The following RPL6 variants were observed in gnomAD, a reference collection of about 807,000 sequenced individuals.
RPL6 encodes large ribosomal subunit protein eL6.
In RPL6, 1 loss-of-function variant was observed where a neutral mutation model predicts 32.1. The observed-to-expected ratio is 0.03, with a 90% CI of 0.01 to 0.15. The LOEUF (loss-of-function observed/expected upper bound fraction) is 0.15, where lower values mean the gene tolerates loss of function less well. Among genes scored for constraint, RPL6 ranks in the 10% least tolerant of loss-of-function variants. The probability of loss-of-function intolerance (pLI) is 1.00; values close to 1 mark genes in which losing one functional copy is unlikely to be tolerated. For synonymous variants in RPL6, 126 were observed against 131.6 expected (o/e 0.96, Z 0.29); for missense variants, 275 against 354.6 (o/e 0.78, Z 1.80).
chr12:112,413,644 T>G (rs2037365192), upstream of RPL6, among the ~76,000 whole-genome samples: 1 of 152,106 alleles, frequency 6.6e-6, no homozygotes. Context: ...CAGTCTGGTC[T>G]CAAACTCCTG....
intron 1 of RPL6, among the ~76,000 whole-genome samples, chr12:112,415,872 CCTT>C (rs2037400671): frequency 6.8e-6 from 1 of 146,310 alleles, no homozygotes; most frequent in African/African-American, 2.5e-5. Flanking sequence ...GGGGGATAAA[CCTT>C]TTTTTTTTTT....
chr12:112,408,146 G>A (rs1223111705), intron 3 of RPL6, 94 bp downstream of exon 3: 3 of 888,896 alleles, frequency 3.4e-6, no homozygotes, highest in Non-Finnish European at 5.3e-6. Flanking sequence ...AAATTCTCCG[G>A]TATGCAGAAA....
chr12:112,410,178 G>T (rs776383237), upstream of RPL6: 1 of 167,660 alleles, frequency 6.0e-6, no homozygotes, highest in East Asian at 1.6e-4. Context: ...AATTAGCCGA[G>T]TGTGGTTGTT....
chr12:112,408,881 T>G, intron 1 of RPL6: 2 of 507,042 alleles, frequency 3.9e-6, no homozygotes, highest in Non-Finnish European at 6.9e-6. Flanking sequence ...TTTTGAGAAT[T>G]TGAAACTACC....
At chr12:112,406,944 A>AATCAGATTCT in intron 3 of RPL6, 54 bp from the exon 4 acceptor site, 1 of 1,595,268 alleles carries the variant, frequency 6.3e-7, no homozygotes, top group Non-Finnish European at 8.6e-7. Context: ...AGATTACTAG[A>AATCAGATTCT]AGCAAGCTAT....
At position 112,405,876 on chromosome 12, in the gene RPL6, C is replaced by T; in HGVS notation, c.691G>A (p.Glu231Lys). 1.2e-6 allele frequency: 2 copies of T among 1,613,176 alleles called. No homozygotes were observed. The highest frequency in any genetic ancestry group is 1.7e-6 in the Non-Finnish European group (2 of 1,179,570). Reference protein sequence around the residue: ...KLRKPRHQEGEIFDTEKEKYE... With the variant: ...KLRKPRHQEGKIFDTEKEKYE... ...ACCTCTTTTTCTGTGTCGAAGATCTCACCTTCCTGGTGTCTGGGCTTCCGC... is the reference window on the plus strand; with the variant it reads ...ACCTCTTTTTCTGTGTCGAAGATCTTACCTTCCTGGTGTCTGGGCTTCCGC... The change falls in exon 6 of 7, where the codon GAG (glutamate) becomes AAG (lysine). Residue 231 changes from glutamate (E) to lysine (K), a missense_variant. Coordinates refer to ENST00000202773, the MANE Select transcript of RPL6 (RefSeq NM_000970.6).
chr12:112,406,235 A>C, intron 5 of RPL6, 59 bp downstream of exon 5: 1 of 1,463,078 alleles, frequency 6.8e-7, no homozygotes, highest in Non-Finnish European at 9.6e-7. Context: ...AAACGTGTAT[A>C]CTGCAAGCAT....
At position 112,406,873 on chromosome 12, in the gene RPL6, A is replaced by T; in HGVS notation, c.354T>A (p.Thr118=). Residue 118 remains threonine, a synonymous_variant, in exon 4 of 7, where the codon ACT becomes ACA. Transcript: ENST00000202773. ...TCAACAGCTTTCGAGGCACATCTTC[A>T]GTAGGATAATATCTAGGCTGTGGAG... ...KLRKMPRYYP[T]EDVPRKLLSH... The T allele has an allele frequency of 6.2e-7, 1 of 1,614,256 alleles. No individual in the cohort carries two copies.
chr12:112,408,931 G>C, intron 1 of RPL6: 1 of 423,108 alleles, frequency 2.4e-6, no homozygotes, highest in Non-Finnish European at 4.2e-6. Context: ...TGAGCGGTCA[G>C]AAGTCCGTAC....
At position 112,406,274 on chromosome 12, in the gene RPL6, C is replaced by G; in HGVS notation, c.529+20G>C. 6.2e-7 allele frequency: 1 copy of G among 1,607,190 alleles called. No individual in the cohort carries two copies. The highest frequency in any genetic ancestry group is 8.5e-7 in the Non-Finnish European group (1 of 1,174,106). On this transcript the variant is annotated intron_variant, in intron 5 of 6. Transcript: ENST00000202773. ...AAAATGGAAGTTTCACAGAACATCA[C>G]AATCCAAGGATTTTCTTACCAGTCA...
intron 1 of RPL6, among the ~76,000 whole-genome samples, chr12:112,416,800 G>T (rs1277281205): frequency 6.6e-6 from 1 of 152,224 alleles, no homozygotes; most frequent in Non-Finnish European, 1.5e-5. Flanking sequence ...CCTGAGATCA[G>T]TTAAAATGTA....
Position 112,405,782 on chromosome 12 carries a change from G to A in RPL6, c.714+71C>T, listed in dbSNP as rs2037142923. On this transcript the variant is annotated intron_variant, in intron 6 of 6. Transcript: ENST00000202773. ...AACCTTTCATTTTTCTTCTTTTTGT[G>A]CAACCTGTTTCTTTTCACTCCCAGG... 8 of 1,249,456 alleles carry A rather than the reference G, an allele frequency of 6.4e-6. 1 individual carries two copies. The highest frequency in any genetic ancestry group is 4.7e-5 in the East Asian group (2 of 42,448). 77.4% of individuals were successfully genotyped at this position (1,249,456 alleles called of 1,614,324 possible).
rs945666287 is a variant in RPL6, at chr12:112,406,647, C to T, written c.480+100G>A. The T allele has an allele frequency of 8.2e-6, 12 of 1,457,072 alleles. No individual in the cohort carries two copies. In the African/African-American group the frequency reaches 1.6e-4, roughly 19 times the overall value. 90.3% of individuals were successfully genotyped at this position (1,457,072 alleles called of 1,614,324 possible). A position where few individuals can be genotyped will look rare whatever the true frequency, so the allele number is the denominator to read the frequency against. On this transcript the variant is annotated intron_variant, in intron 4 of 6. Coordinates refer to ENST00000202773, the MANE Select transcript of RPL6 (RefSeq NM_000970.6). ...GCAGATCATTTCCCCTTGCCCCAAA[C>T]ATAGGTAAATAAAGGAAAAGTACAC...
At chr12:112,412,397 A>G (rs1434325543), upstream of RPL6, among the ~76,000 whole-genome samples, 1 of 146,034 alleles carries the variant, frequency 6.8e-6, no homozygotes, top group Non-Finnish European at 1.5e-5. Flanking sequence ...CTGGTTTTGA[A>G]CTCCTGACCT....
At chr12:112,413,478 C>T (rs11066289), upstream of RPL6, among the ~76,000 whole-genome samples, 1,894 of 152,228 alleles carry the variant, frequency 0.012, 278 homozygotes, top group East Asian at 0.32. Flanking sequence ...GCAGAGTTTG[C>T]AGTGAGCCGA....
intron 4 of RPL6, 155 bp downstream of exon 4, chr12:112,406,592 T>C: frequency 9.4e-7 from 1 of 1,058,240 alleles, no homozygotes. Context: ...TGGATTACAC[T>C]TCTTATTTGC....
upstream of RPL6, among the ~76,000 whole-genome samples, chr12:112,414,423 A>C (rs2037377536): frequency 6.6e-6 from 1 of 152,242 alleles, no homozygotes; most frequent in South Asian, 2.1e-4. Context: ...CAAAGAGCTA[A>C]TAGTTTACTT....
At position 112,405,276 on chromosome 12, in the gene RPL6, C is replaced by T. The variant is rs1026994605; in HGVS notation, c.815G>A (p.Arg272Gln). ...TCCATTCGTCAGAGCAAACACAGAT[C>T]GCAGGTAGCCCTGGAGCTGAGGAAT... is the stretch of plus-strand genomic sequence containing the variant. ...KAIPQLQGYL[R>Q]SVFALTNGIY... Residue 272 changes from arginine to glutamine, a missense_variant, in exon 7 of 7, where the codon CGA becomes CAA. Coordinates refer to ENST00000202773, the MANE Select transcript of RPL6 (RefSeq NM_000970.6). 5 of 1,607,092 alleles carry T rather than the reference C, an allele frequency of 3.1e-6. No individual in the cohort carries two copies. The highest frequency in any genetic ancestry group is 1.3e-5 in the African/African-American group (1 of 74,426).
chr12:112,412,923 CAAATAAAT>C (rs55801942), upstream of RPL6, among the ~76,000 whole-genome samples: 5,931 of 146,402 alleles, frequency 0.041, 265 homozygotes, highest in African/African-American at 0.11. Context: ...GACTCTGTCT[CAAATAAAT>C]AAATAAATAA....
Sources: allele counts gnomAD v4.1 joint callset (sites outside exome capture counted in the v4.1 genomes callset), GRCh38; gene constraint gnomAD v4.1.1; transcripts MANE v1.5; gene names NCBI Gene and HGNC (gene_info 2026-07-23, HGNC 2026-07-21).